AMPD1: variants seen among roughly 807,000 people sequenced by gnomAD.
AMPD1 encodes the protein adenosine monophosphate deaminase 1.
In AMPD1, 74 loss-of-function variants were observed where a neutral mutation model predicts 82.9. The ratio of observed to expected loss-of-function variants is 0.89; its 90% CI spans 0.74 to 1.08. AMPD1 has a LOEUF of 1.08. AMPD1 is among the 50% of genes least tolerant of loss of function. The pLI is 0.00. For synonymous variants in AMPD1, 333 were observed against 320.5 expected, an observed-to-expected ratio of 1.04 and a Z score of -0.42; for missense variants, 881 against 924.5, an observed-to-expected ratio of 0.95 and a Z score of 0.61.
In AMPD1 at chr1:114,678,436, A is replaced by T; in HGVS notation, c.989T>A (p.Val330Glu). The T allele has an allele frequency of 4.3e-6, 7 of 1,614,068 alleles. No homozygotes were observed. Among genetic ancestry groups the T allele is most frequent in the Non-Finnish European group, 5.9e-6 (7 of 1,179,990 alleles). Residue 330 changes from valine to glutamate, a missense_variant, in exon 8 of 16, where the codon GTG becomes GAG. Transcript: ENST00000520113. ...KKSYQIDADR[V>E]VYSTKEKNLT... ...ATTCTTCTCTTTGGTGCTATAGACC[A>T]CTCTGTCAGCATCAATTTGGTAAGA...
Position 114,678,044 on chromosome 1 carries a change from G to A in AMPD1, c.1093-3C>T, listed in dbSNP as rs1168256364. Reference sequence around the variant, plus strand: ...AAACGCTGGAAGGTCTGGCGTCCCTGAATCAGGAAAAAAGAGCAGAGATGT... The same window carrying A: ...AAACGCTGGAAGGTCTGGCGTCCCTAAATCAGGAAAAAAGAGCAGAGATGT... On this transcript the variant is annotated splice_region_variant and splice_polypyrimidine_tract_variant and intron_variant, in intron 8 of 15. Coordinates refer to ENST00000520113, the MANE Select transcript of AMPD1 (RefSeq NM_000036.3). The A allele has an allele frequency of 3.1e-6, 5 of 1,613,672 alleles. No homozygotes were observed. The Admixed American group carries it at 6.7e-5, about 22-fold the overall frequency.
At chr1:114,690,452 AG>A (rs1254559613) in intron 2 of AMPD1, among the ~76,000 whole-genome samples, 1 of 152,214 alleles carries the variant, frequency 6.6e-6, no homozygotes, top group Non-Finnish European at 1.5e-5. Flanking sequence ...TGGAGATGAC[AG>A]GAATTGATTC....
chr1:114,677,038 C>A (rs1488851227), intron 10 of AMPD1, among the ~76,000 whole-genome samples: 2 of 151,912 alleles, frequency 1.3e-5, no homozygotes, highest in Non-Finnish European at 2.9e-5. Context: ...ACAGAGAAGA[C>A]CAGGTGAAAG....
At chr1:114,675,131 A>G (rs1453933098) in intron 12 of AMPD1, among the ~76,000 whole-genome samples, 2 of 152,210 alleles carry the variant, frequency 1.3e-5, no homozygotes, top group Non-Finnish European at 1.5e-5. Context: ...GAAATTTACC[A>G]ATATCAACAT....
At chr1:114,674,134 A>G in intron 13 of AMPD1, 52 bp from the exon 14 acceptor site, 1 of 1,483,074 alleles carries the variant, frequency 6.7e-7, no homozygotes, top group Non-Finnish European at 9.3e-7. Flanking sequence ...AGGAATACAA[A>G]CTAGAAACAC....
intron 11 of AMPD1, 23 bp from the exon 12 acceptor site, chr1:114,675,716 CA>C: frequency 6.2e-7 from 1 of 1,614,056 alleles, no homozygotes; most frequent in Non-Finnish European, 8.5e-7. Context: ...GTGAGCCATG[CA>C]ATGGGTTCAG....
chr1:114,678,153 C>T (rs1323455253), intron 8 of AMPD1, 112 bp from the exon 9 acceptor site: 5 of 1,504,744 alleles, frequency 3.3e-6, no homozygotes, highest in Non-Finnish European at 4.6e-6. Context: ...GGGCATTGGG[C>T]TCCAAGAATG....
chr1:114,673,812 G>A, intron 14 of AMPD1, 63 bp from the exon 15 acceptor site: 1 of 1,579,652 alleles, frequency 6.3e-7, no homozygotes, highest in East Asian at 2.2e-5. Flanking sequence ...CATCCTGCCT[G>A]AAAAAATAAT....
At chr1:114,690,367 T>G (rs1271800342) in intron 2 of AMPD1, among the ~76,000 whole-genome samples, 2 of 152,188 alleles carry the variant, frequency 1.3e-5, no homozygotes, top group African/African-American at 4.8e-5. Flanking sequence ...AAACAGACAT[T>G]TGGTGTGTGG....
At position 114,695,520 on chromosome 1, in the gene AMPD1, G is replaced by A; in HGVS notation, c.-49C>T. ...GGATAGCACAGTAGAAAAGAAGAGA[G>A]AGGAGACTGTGGGGTGACTGACTGA... On this transcript the variant is annotated 5_prime_UTR_variant, in exon 1 of 16. Transcript: ENST00000520113. 6.2e-7 allele frequency: 1 copy of A among 1,614,120 alleles called. No homozygotes were observed. The highest frequency in any genetic ancestry group is 8.5e-7 in the Non-Finnish European group (1 of 1,180,012).
rs1312246990 is a variant in AMPD1, at chr1:114,678,008, T to C, written c.1126A>G (p.Asn376Asp). Residue 376 changes from asparagine to aspartate, a missense_variant, in exon 9 of 16, where the codon AAT (asparagine) becomes GAT (aspartate). Physicochemically the swap from Asn to Asp is conservative, Grantham distance 23. Transcript: ENST00000520113. ...RQTFQRFDKF[N>D]DKYNPVGASE... Reference sequence around the variant, plus strand: ...GCTCCTACAGGATTATATTTGTCATTGAACTTATCAAAACGCTGGAAGGTC... The same window carrying C: ...GCTCCTACAGGATTATATTTGTCATCGAACTTATCAAAACGCTGGAAGGTC... 6.2e-7 allele frequency: 1 copy of C among 1,613,986 alleles called. No individual in the cohort carries two copies. Among genetic ancestry groups the C allele is most frequent in the East Asian group, 2.2e-5 (1 of 44,874 alleles).
intron 3 of AMPD1, 44 bp from the exon 4 acceptor site, chr1:114,686,954 A>G (rs1450879296): frequency 1.3e-6 from 2 of 1,598,446 alleles, no homozygotes; most frequent in African/African-American, 1.3e-5. Context: ...TGTCTTCATC[A>G]GGCGTTTCAT....
At chr1:114,681,673 C>T (rs1267404268) in intron 5 of AMPD1, among the ~76,000 whole-genome samples, 1 of 151,844 alleles carries the variant, frequency 6.6e-6, no homozygotes, top group East Asian at 1.9e-4. Context: ...CACAGCCAGT[C>T]TCCACTCTAG....
chr1:114,682,800 G>C (rs574542084), intron 5 of AMPD1, among the ~76,000 whole-genome samples: 7 of 152,086 alleles, frequency 4.6e-5, no homozygotes, highest in South Asian at 2.1e-4. Context: ...AGATGGTCTC[G>C]ATCTCCTGAC....
At chr1:114,679,953 T>C (rs971017178) in intron 6 of AMPD1, among the ~76,000 whole-genome samples, 1 of 151,932 alleles carries the variant, frequency 6.6e-6, no homozygotes, top group African/African-American at 2.4e-5. Flanking sequence ...ATGGAGAGAG[T>C]GTTATTCAAA....
intron 1 of AMPD1, among the ~76,000 whole-genome samples, chr1:114,693,670 G>T (rs1057067417): frequency 1.3e-4 from 19 of 151,972 alleles, no homozygotes; most frequent in Non-Finnish European, 2.5e-4. Flanking sequence ...ACATTTATAA[G>T]TATACTTTTT....
chr1:114,689,094 G>C (rs1334926283), intron 2 of AMPD1, among the ~76,000 whole-genome samples: 2 of 152,230 alleles, frequency 1.3e-5, no homozygotes, highest in Admixed American at 6.5e-5. Context: ...ATGCAGCACA[G>C]TTCTTCCCAT....
chr1:114,690,509 C>T (rs1348453950), intron 2 of AMPD1, among the ~76,000 whole-genome samples: 1 of 152,130 alleles, frequency 6.6e-6, no homozygotes, highest in African/African-American at 2.4e-5. Context: ...TTTTTAAAAC[C>T]TGGTTTGTTA....
intron 4 of AMPD1, among the ~76,000 whole-genome samples, chr1:114,685,143 T>C (rs1396327552): frequency 2.0e-5 from 3 of 152,176 alleles, no homozygotes; most frequent in Non-Finnish European, 2.9e-5. Context: ...CAGATATTGA[T>C]CCTGAATTAG....
Sources: allele counts gnomAD v4.1 joint callset (sites outside exome capture counted in the v4.1 genomes callset), GRCh38; gene constraint gnomAD v4.1.1; transcripts MANE v1.5; gene names NCBI Gene and HGNC (gene_info 2026-07-23, HGNC 2026-07-21).